Variants in HTT observed in about 807,000 individuals in gnomAD.
The protein encoded by HTT is huntington disease protein.
In HTT, 104 loss-of-function variants were observed where a neutral mutation model predicts 362.3. The observed-to-expected ratio is 0.29, with a 90% CI of 0.24 to 0.34. The LOEUF (loss-of-function observed/expected upper bound fraction) is 0.34. Among genes scored for constraint, HTT ranks in the 10% least tolerant of loss-of-function variants. The pLI is 1.00. For missense variants in HTT, 3,301 were observed against 3,928.6 expected (o/e 0.84, Z 4.27); for synonymous variants, 1,577 against 1,548.7 (o/e 1.02, Z -0.43).
intron 64 of HTT, among the ~76,000 whole-genome samples, chr4:3,238,162 C>A (rs1207903504): frequency 6.6e-6 from 1 of 151,648 alleles, no homozygotes; most frequent in Non-Finnish European, 1.5e-5. Flanking sequence ...CTTAGGAGTT[C>A]TGGTCCCTAC....
intron 14 of HTT, among the ~76,000 whole-genome samples, chr4:3,130,772 T>A (rs1407477820): frequency 2.6e-5 from 4 of 152,240 alleles, no homozygotes; most frequent in African/African-American, 4.8e-5. Flanking sequence ...CTCTTCATAT[T>A]ATCTTTTTAC....
At chr4:3,089,007 T>C (rs1198673837) in intron 2 of HTT, among the ~76,000 whole-genome samples, 1 of 151,978 alleles carries the variant, frequency 6.6e-6, no homozygotes, top group African/African-American at 2.4e-5. Context: ...ATGATAAAAG[T>C]AGGAAAAAAA....
At chr4:3,236,752 C>T (rs1721556289) in intron 64 of HTT, among the ~76,000 whole-genome samples, 1 of 152,130 alleles carries the variant, frequency 6.6e-6, no homozygotes, top group Non-Finnish European at 1.5e-5. Flanking sequence ...TGGTCAGTGG[C>T]TTCTGCCCCC....
intron 21 of HTT, among the ~76,000 whole-genome samples, chr4:3,140,009 C>A (rs973714130): frequency 1.3e-5 from 2 of 151,782 alleles, no homozygotes; most frequent in African/African-American, 4.8e-5. Context: ...TAATCCAGCA[C>A]TATGGGGGGC....
Position 3,174,594 on chromosome 4 carries a change from T to C in HTT, c.4167-127T>C. 4.4e-6 allele frequency: 3 copies of C among 688,974 alleles called. No individual in the cohort carries two copies. In the South Asian group the frequency reaches 5.3e-5, roughly 12 times the overall value. The allele number at this position is 688,974 out of a possible 1,614,324, so 42.7% of individuals were successfully genotyped here. A position where few individuals can be genotyped will look rare whatever the true frequency, so the allele number is the denominator to read the frequency against. ...CCACACTGAGTGGCCTTTCAAGTTG[T>C]TTCTCAATCTGACACGTTCTGATCG... On this transcript the variant is annotated intron_variant, in intron 31 of 66. Coordinates refer to ENST00000355072, the MANE Select transcript of HTT (RefSeq NM_001388492.1).
At chr4:3,136,784 CGTT>C (rs1716086956) in intron 21 of HTT, among the ~76,000 whole-genome samples, 1 of 151,804 alleles carries the variant, frequency 6.6e-6, no homozygotes, top group Non-Finnish European at 1.5e-5. Flanking sequence ...AGTTATGGGT[CGTT>C]GTTTTGCTAT....
chr4:3,208,730 A>C (rs1040926873), intron 45 of HTT, 43 bp from the exon 46 acceptor site: 23 of 1,544,010 alleles, frequency 1.5e-5, no homozygotes, highest in Non-Finnish European at 2.0e-5. Context: ...AAAAAAAAAA[A>C]AAAACAAATT....
At position 3,074,978 on chromosome 4, in the gene HTT, T is replaced by G. The variant is rs603765; in HGVS notation, c.153T>G (p.Leu51=). ...PPPPPPPPPQ[L]PQPPPQAQPL... ...CGCCGCCGCCGCCGCCTCCTCAGCTTCCTCAGCCGCCGCCGCAGGCACAGC... is the reference window on the plus strand; with the variant it reads ...CGCCGCCGCCGCCGCCTCCTCAGCTGCCTCAGCCGCCGCCGCAGGCACAGC... The change falls in exon 1 of 67, where the codon CTT becomes CTG. Residue 51 remains leucine (L), a synonymous_variant. Transcript: ENST00000355072. 5 of 1,408,328 alleles carry G rather than the reference T, an allele frequency of 3.6e-6. No homozygotes were observed. The highest frequency in any genetic ancestry group is 1.5e-5 in the African/African-American group (1 of 64,816). The allele number at this position is 1,408,328 out of a possible 1,614,324, so 87.2% of individuals were successfully genotyped here.
chr4:3,111,981 A>G (rs1411578843), intron 6 of HTT, among the ~76,000 whole-genome samples: 2 of 152,202 alleles, frequency 1.3e-5, no homozygotes, highest in African/African-American at 2.4e-5. Context: ...CAAAGCTTGC[A>G]TTTGAACTTC....
chr4:3,238,730 G>GGCCCCAC, intron 65 of HTT, 88 bp from the exon 66 acceptor site: 1 of 1,097,040 alleles, frequency 9.1e-7, no homozygotes, highest in Non-Finnish European at 1.3e-6. Context: ...AATGCCTCTG[G>GGCCCCAC]CCCCCACCCC....
chr4:3,091,867 GATT>G (rs1186906916), intron 2 of HTT, among the ~76,000 whole-genome samples: 1 of 152,144 alleles, frequency 6.6e-6, no homozygotes, highest in Non-Finnish European at 1.5e-5. Context: ...TAAAGCTTTA[GATT>G]ATTATATGTC....
At position 3,178,394 on chromosome 4, in the gene HTT, C is replaced by A; in HGVS notation, c.4560C>A (p.Ile1520=). Residue 1520 remains isoleucine (I), a synonymous_variant, in exon 35 of 67, where the codon ATC becomes ATA. Coordinates refer to ENST00000355072, the MANE Select transcript of HTT (RefSeq NM_001388492.1). ...AACAGATCATTGGAATTCCTAAAAT[C>A]ATTCAGCTCTGTGATGGCATCATGG... ...HSKQIIGIPK[I]IQLCDGIMAS... 6.2e-7 allele frequency: 1 copy of A among 1,613,606 alleles called. No homozygotes were observed. Among genetic ancestry groups the A allele is most frequent in the Non-Finnish European group, 8.5e-7 (1 of 1,179,528 alleles).
At chr4:3,224,166 A>G in intron 56 of HTT, 35 bp downstream of exon 56, 1 of 1,611,320 alleles carries the variant, frequency 6.2e-7, no homozygotes, top group South Asian at 1.1e-5. Flanking sequence ...GAGCGGTTGT[A>G]CTTGGGCTAG....
chr4:3,156,442 TTTTC>T (rs1160782913), intron 27 of HTT, among the ~76,000 whole-genome samples: 2 of 152,180 alleles, frequency 1.3e-5, no homozygotes, highest in Non-Finnish European at 2.9e-5. Context: ...AAAGATGCTC[TTTTC>T]TAAGGATTGA....
rs565255825 is a variant in HTT, at chr4:3,172,751, C to A, written c.3943-157C>A. Among the ~76,000 whole-genome samples, 7 of 146,982 alleles carry A rather than the reference C, an allele frequency of 4.8e-5. No homozygotes were observed. In the East Asian group the frequency reaches 1.5e-3, roughly 31 times the overall value. ...GTACAAACAGCACTTCATACAATAT[C>A]TCATGAGGTATTAATAGTGATTCAC... On this transcript the variant is annotated intron_variant, in intron 30 of 66. Coordinates refer to ENST00000355072, the MANE Select transcript of HTT (RefSeq NM_001388492.1).
chr4:3,084,507 T>A (rs1713094295), intron 1 of HTT, among the ~76,000 whole-genome samples: 1 of 151,288 alleles, frequency 6.6e-6, no homozygotes, highest in Non-Finnish European at 1.5e-5. Flanking sequence ...CGGGCCAACA[T>A]GATGAAACCC....
chr4:3,219,199 G>A lies in HTT; in HGVS notation c.7243-983G>A, dbSNP rs570646607. On this transcript the variant is annotated intron_variant, in intron 52 of 66. Transcript: ENST00000355072. ...ACACTTGCTGCATGGGGTTGCTCTC[G>A]GCCCCACTCTTGGTGCACAGCGAGT... Among the ~76,000 whole-genome samples the A allele has an allele frequency of 3.2e-4, 49 of 152,266 alleles. 1 individual carries two copies. The highest frequency in any genetic ancestry group is 1.1e-3 in the African/African-American group (47 of 41,538).
intron 51 of HTT, among the ~76,000 whole-genome samples, chr4:3,216,982 G>A (rs920877188): frequency 3.3e-5 from 5 of 150,090 alleles, no homozygotes; most frequent in South Asian, 2.1e-4. Context: ...CCGAGATCCC[G>A]CCACTGCACT....
At chr4:3,217,684 CT>C (rs767734062) in intron 51 of HTT, 80 bp from the exon 52 acceptor site, 1 of 1,219,098 alleles carries the variant, frequency 8.2e-7, no homozygotes, top group Non-Finnish European at 1.2e-6. Context: ...GCTTGAGCAG[CT>C]GGTTGTAGGT....
Sources: allele counts gnomAD v4.1 joint callset (sites outside exome capture counted in the v4.1 genomes callset), GRCh38; gene constraint gnomAD v4.1.1; transcripts MANE v1.5; gene names NCBI Gene and HGNC (gene_info 2026-07-23, HGNC 2026-07-21).